Variants in RGS9 observed in about 807,000 individuals in gnomAD.
RGS9 encodes regulator of G protein signaling 9, also known as regulator of G-protein signalling 9.
A neutral mutation model predicts 102.0 loss-of-function variants in RGS9; 78 were observed. The ratio of observed to expected loss-of-function variants is 0.76; its 90% confidence interval spans 0.64 to 0.92. RGS9 has a LOEUF of 0.92. Among genes scored for constraint, RGS9 ranks in the 40% least tolerant of loss-of-function variants. The pLI is 0.00. For missense variants in RGS9, 833 were observed against 866.1 expected, an observed-to-expected ratio of 0.96 and a Z score of 0.48; for synonymous variants, 353 against 318.6, an observed-to-expected ratio of 1.11 and a Z score of -1.15.
intron 16 of RGS9, among the ~76,000 whole-genome samples, chr17:65,209,183 G>A (rs1913189619): frequency 6.6e-6 from 1 of 152,194 alleles, no homozygotes; most frequent in East Asian, 1.9e-4. Flanking sequence ...GTGAAGCCTG[G>A]TCTGTGTCCA....
At chr17:65,226,326 G>A (rs1354214926) in intron 18 of RGS9, among the ~76,000 whole-genome samples, 2 of 152,194 alleles carry the variant, frequency 1.3e-5, no homozygotes, top group Non-Finnish European at 2.9e-5. Flanking sequence ...AAAGCACCAT[G>A]CAGAAGTCTT....
chr17:65,145,248 G>C (rs1346752136), intron 1 of RGS9, among the ~76,000 whole-genome samples: 1 of 151,534 alleles, frequency 6.6e-6, no homozygotes, highest in Non-Finnish European at 1.5e-5. Context: ...CCCCCACCAC[G>C]CCTGGCTAAT....
chr17:65,217,117 G>A (rs1255270596), intron 17 of RGS9, among the ~76,000 whole-genome samples: 1 of 152,180 alleles, frequency 6.6e-6, no homozygotes, highest in Non-Finnish European at 1.5e-5. Flanking sequence ...TGGGGGATAC[G>A]GGTGGGTGGC....
intron 8 of RGS9, among the ~76,000 whole-genome samples, chr17:65,174,228 G>A (rs1911528110): frequency 1.3e-5 from 2 of 152,190 alleles, no homozygotes; most frequent in South Asian, 4.1e-4. Flanking sequence ...AGAGCCTGGG[G>A]CACATTGGAA....
In RGS9 at chr17:65,220,451, TTGCTAACTGAGAAGGTCTTG is replaced by T. The variant is rs370261451; in HGVS notation, c.1408-4545_1408-4526del. The stretch of plus-strand genomic sequence containing the variant: ...AGTTTCATGGCTGAAGTAAGGGTCG[TTGCTAACTGAGAAGGTCTTG>T]TGCTAGACTGTGTCAAATGGGATGA... On this transcript the variant is annotated intron_variant, in intron 17 of 18. Transcript: ENST00000262406. Among the ~76,000 whole-genome samples the T allele has an allele frequency of 4.8e-3, 737 of 152,312 alleles. 4 individuals carry two copies. Among genetic ancestry groups the T allele is most frequent in the East Asian group, 0.024 (125 of 5,192 alleles).
At chr17:65,203,973 T>C (rs1334870668) in intron 14 of RGS9, among the ~76,000 whole-genome samples, 190 bp from the exon 15 acceptor site, 2 of 152,150 alleles carry the variant, frequency 1.3e-5, no homozygotes, top group Non-Finnish European at 2.9e-5. Context: ...ATACTGGAAG[T>C]TTCTTGCTTC....
rs553924641 is a variant in RGS9, at chr17:65,204,272, C to A, written c.1174C>A (p.Gln392Lys). The change falls in exon 15 of 19, where the codon CAA (glutamine) becomes AAA (lysine). Residue 392 changes from glutamine to lysine, a missense_variant. Physicochemically the swap from Gln to Lys is moderately conservative, Grantham distance 53 (BLOSUM62 1). This residue lies in a region of RGS9 where 185 missense variants were observed against 248.7 expected (regional missense o/e 0.74). Transcript: ENST00000262406. Reference protein sequence around the residue: ...HPHRYVLDAAQTHIYMLMKKD... With the variant: ...HPHRYVLDAAKTHIYMLMKKD... ...CCACCGCTATGTGCTGGACGCCGCA[C>A]AAACCCACATTTACATGCTCATGAA... 2 of 1,613,788 alleles carry A rather than the reference C, an allele frequency of 1.2e-6. No individual in the cohort carries two copies. The highest frequency in any genetic ancestry group is 1.7e-6 in the Non-Finnish European group (2 of 1,180,044).
At chr17:65,158,468 C>T in intron 3 of RGS9, 123 bp downstream of exon 3, 2 of 923,724 alleles carry the variant, frequency 2.2e-6, no homozygotes, top group South Asian at 1.3e-5. Flanking sequence ...CAGACATGAC[C>T]TTCGTGTGTA....
chr17:65,212,234 CA>C (rs1598620152), intron 17 of RGS9, among the ~76,000 whole-genome samples: 1 of 152,196 alleles, frequency 6.6e-6, no homozygotes, highest in Admixed American at 6.5e-5. Flanking sequence ...AGAGAAATTT[CA>C]AAGTCTCATG....
At chr17:65,200,309 C>T (rs1339131672) in intron 13 of RGS9, among the ~76,000 whole-genome samples, 2 of 152,174 alleles carry the variant, frequency 1.3e-5, no homozygotes, top group Non-Finnish European at 2.9e-5. Context: ...GGATTACAGG[C>T]GTGAGCCACC....
intron 1 of RGS9, 47 bp downstream of exon 1, chr17:65,137,644 G>A (rs1231915050): frequency 2.5e-6 from 4 of 1,593,266 alleles, no homozygotes; most frequent in South Asian, 1.1e-5. Context: ...GCGGGGGACC[G>A]CATCTGCGAA....
chr17:65,185,991 G>T (rs537046970), intron 9 of RGS9, among the ~76,000 whole-genome samples: 1 of 152,078 alleles, frequency 6.6e-6, no homozygotes, highest in South Asian at 2.1e-4. Context: ...AACAGTGGCC[G>T]ACAGGCAGAA....
At chr17:65,201,346 T>A (rs1598611107) in intron 13 of RGS9, among the ~76,000 whole-genome samples, 1 of 152,262 alleles carries the variant, frequency 6.6e-6, no homozygotes, top group East Asian at 1.9e-4. Context: ...GGCCAGACCT[T>A]CCCTGAGGGT....
At chr17:65,181,158 A>T (rs1415920639) in intron 9 of RGS9, among the ~76,000 whole-genome samples, 4 of 152,230 alleles carry the variant, frequency 2.6e-5, no homozygotes, top group South Asian at 2.1e-4. Flanking sequence ...CTTTGGGTAT[A>T]TACCTAGTAA....
intron 10 of RGS9, among the ~76,000 whole-genome samples, chr17:65,189,809 G>C (rs1361641237): frequency 6.6e-6 from 1 of 152,234 alleles, no homozygotes; most frequent in Non-Finnish European, 1.5e-5. Context: ...CAATGCTGCA[G>C]AATCAGGAAG....
chr17:65,148,752 T>G (rs1388685259), intron 1 of RGS9, among the ~76,000 whole-genome samples: 1 of 152,160 alleles, frequency 6.6e-6, no homozygotes, highest in Admixed American at 6.5e-5. Context: ...CTCCCTGTGT[T>G]GCCCAGGCTG....
chr17:65,184,718 T>C (rs1598596505), intron 9 of RGS9, among the ~76,000 whole-genome samples: 1 of 151,686 alleles, frequency 6.6e-6, no homozygotes, highest in Non-Finnish European at 1.5e-5. Flanking sequence ...TGTCTCTCCC[T>C]CCCTCCTCTC....
intron 11 of RGS9, 139 bp downstream of exon 11, chr17:65,190,375 G>A: frequency 2.5e-6 from 2 of 793,546 alleles, no homozygotes; most frequent in Non-Finnish European, 2.3e-6. Flanking sequence ...GTCTCTTGGG[G>A]GCTTAGTTCC....
At chr17:65,165,974 G>A (rs540987155) in intron 7 of RGS9, among the ~76,000 whole-genome samples, 4 of 152,268 alleles carry the variant, frequency 2.6e-5, no homozygotes, top group African/African-American at 9.6e-5. Context: ...AGTCTCTTGA[G>A]TGGTTGCTGT....
Sources: allele counts gnomAD v4.1 joint callset (sites outside exome capture counted in the v4.1 genomes callset), GRCh38; gene constraint gnomAD v4.1.1; regional missense constraint gnomAD v4.1.1; transcripts MANE v1.5; gene names NCBI Gene and HGNC (gene_info 2026-07-23, HGNC 2026-07-21).